MYLK: variants seen among roughly 807,000 people sequenced by gnomAD.
MYLK encodes myosin light chain kinase, smooth muscle.
In MYLK, 106 loss-of-function variants were observed where a neutral mutation model predicts 203.4. That is an observed-to-expected ratio of 0.52 (90% confidence interval 0.45 to 0.61). MYLK has a LOEUF of 0.61. MYLK is among the 20% of genes least tolerant of loss of function. MYLK has a pLI of 0.00. For missense variants in MYLK, 2,072 were observed against 2,442.3 expected (o/e 0.85, Z 3.20); for synonymous variants, 867 against 959.5 (o/e 0.90, Z 1.78).
At position 123,642,879 on chromosome 3, in the gene MYLK, C is replaced by T. The variant is rs1327716030; in HGVS notation, c.4620-2375G>A. Among the ~76,000 whole-genome samples, 1 of 152,202 alleles carries T rather than the reference C, an allele frequency of 6.6e-6. No individual in the cohort carries two copies. Among genetic ancestry groups the T allele is most frequent in the South Asian group, 2.1e-4 (1 of 4,832 alleles). ...TCTATGTAAAGAATCACTTGGGGCT[C>T]TTATTAAAAATACAAATTCCCAAGC... On this transcript the variant is annotated intron_variant, in intron 27 of 33. Transcript: ENST00000360304. This position sits in a 1 kb window ranked among gnomAD's most constrained non-coding sequence, Gnocchi z 4.2.
At chr3:123,709,655 T>C (rs2061612203) in intron 14 of MYLK, 101 bp downstream of exon 14, 1 of 1,501,988 alleles carries the variant, frequency 6.7e-7, no homozygotes, top group Non-Finnish European at 9.2e-7. Context: ...CATCTGATTT[T>C]CTGGTGGATC....
intron 11 of MYLK, 130 bp downstream of exon 11, chr3:123,732,766 G>C: frequency 1.2e-6 from 1 of 867,298 alleles, no homozygotes; most frequent in Non-Finnish European, 1.9e-6. Flanking sequence ...ATGTGATTGG[G>C]GGTGACATTT....
At chr3:123,802,025 A>G (rs904313227) in intron 3 of MYLK, among the ~76,000 whole-genome samples, 4 of 152,156 alleles carry the variant, frequency 2.6e-5, no homozygotes, top group African/African-American at 4.8e-5. Flanking sequence ...GGCTGGACTA[A>G]TTTACACTCT....
chr3:123,770,111 GA>G (rs1338161233), intron 4 of MYLK, among the ~76,000 whole-genome samples: 19 of 148,392 alleles, frequency 1.3e-4, no homozygotes, highest in East Asian at 1.2e-3. Context: ...AGGAGTTCGA[GA>G]CGAGGCTGAC....
chr3:123,737,424 C>T lies in MYLK; in HGVS notation c.708G>A (p.Val236=). The part of the protein sequence containing the change: ...DDVGVYTCLV[V]NGSGKASMSA... ...ACATCGAGGCCTTCCCCGACCCGTT[C>T]ACCACCAGGCACGTGTACACTCCCA... Residue 236 remains valine, a synonymous_variant, in exon 8 of 34, where the codon GTG becomes GTA. Coordinates refer to ENST00000360304, the MANE Select transcript of MYLK (RefSeq NM_053025.4). 2 of 1,614,152 alleles carry T rather than the reference C, an allele frequency of 1.2e-6. No individual in the cohort carries two copies. Among genetic ancestry groups the T allele is most frequent in the East Asian group, 2.2e-5 (1 of 44,880 alleles).
intron 2 of MYLK, among the ~76,000 whole-genome samples, chr3:123,873,660 A>G (rs763820934): frequency 6.6e-6 from 1 of 152,156 alleles, no homozygotes; most frequent in Non-Finnish European, 1.5e-5. Context: ...TCAGGGAAAT[A>G]GTTAAGAGCA....
chr3:123,651,132 G>C (rs2059198358), intron 24 of MYLK, among the ~76,000 whole-genome samples: 1 of 152,220 alleles, frequency 6.6e-6, no homozygotes, highest in Non-Finnish European at 1.5e-5. Flanking sequence ...GGTTGGGAAA[G>C]AAGTCTAAAA....
intron 12 of MYLK, 121 bp downstream of exon 12, chr3:123,725,823 C>T: frequency 6.9e-7 from 1 of 1,444,322 alleles, no homozygotes; most frequent in East Asian, 2.3e-5. Flanking sequence ...GTGCCCTGTG[C>T]TTCCTTCTCA....
At chr3:123,794,887 A>G (rs376984601) in intron 3 of MYLK, among the ~76,000 whole-genome samples, 3 of 152,296 alleles carry the variant, frequency 2.0e-5, no homozygotes, top group Admixed American at 2.0e-4. Context: ...CATTTGTTTT[A>G]ATCCTCAGAA....
intron 5 of MYLK, among the ~76,000 whole-genome samples, chr3:123,741,233 A>C (rs1405388569): frequency 6.6e-6 from 1 of 152,170 alleles, no homozygotes. Flanking sequence ...TGTGGAGGAG[A>C]AAAATCATGG....
At chr3:123,777,621 C>T (rs947280972) in intron 4 of MYLK, among the ~76,000 whole-genome samples, 8 of 152,280 alleles carry the variant, frequency 5.3e-5, no homozygotes, top group Non-Finnish European at 1.0e-4. Context: ...GCAGATGAGG[C>T]GAAGAGCAGT....
intron 4 of MYLK, among the ~76,000 whole-genome samples, chr3:123,753,889 G>A (rs1216958999): frequency 5.9e-5 from 9 of 152,190 alleles, no homozygotes. Flanking sequence ...AAGAGAGAAT[G>A]GATACGGATG....
rs552986197 is a variant in MYLK, at chr3:123,753,823, G to T, written c.166-1285C>A. Among the ~76,000 whole-genome samples, 5 of 152,302 alleles carry T rather than the reference G, an allele frequency of 3.3e-5. No homozygotes were observed. The East Asian group carries it at 7.7e-4, about 24-fold the overall frequency. ...ATAGGAGCTTCCTGAGAACAAAGTT[G>T]TTTGCATTACAAAACAGTGGTAGCA... is the stretch of plus-strand genomic sequence containing the variant. On this transcript the variant is annotated intron_variant, in intron 4 of 33. Transcript: ENST00000360304.
chr3:123,843,962 A>C (rs188378638), intron 2 of MYLK, among the ~76,000 whole-genome samples: 1 of 152,170 alleles, frequency 6.6e-6, no homozygotes, highest in East Asian at 1.9e-4. Context: ...AACCTCAACT[A>C]ATCTCATATT....
At chr3:123,661,735 G>A (rs2059568671) in intron 23 of MYLK, among the ~76,000 whole-genome samples, 1 of 152,204 alleles carries the variant, frequency 6.6e-6, no homozygotes, top group Non-Finnish European at 1.5e-5. Flanking sequence ...AACAGAGCAA[G>A]AGAGAAGGTA....
At chr3:123,769,086 T>G (rs1450934477) in intron 4 of MYLK, among the ~76,000 whole-genome samples, 1 of 152,090 alleles carries the variant, frequency 6.6e-6, no homozygotes, top group South Asian at 2.1e-4. Context: ...ATCAGGCCTG[T>G]CCCAGACAAT....
At chr3:123,826,224 C>T (rs142475827) in intron 3 of MYLK, among the ~76,000 whole-genome samples, 42 of 152,234 alleles carry the variant, frequency 2.8e-4, no homozygotes, top group East Asian at 1.9e-3. Flanking sequence ...TGTCTGTCCA[C>T]GTCCCAGCCT....
At chr3:123,663,419 G>A (rs2108318121) in intron 23 of MYLK, among the ~76,000 whole-genome samples, 1 of 152,266 alleles carries the variant, frequency 6.6e-6, no homozygotes, top group South Asian at 2.1e-4. Flanking sequence ...GAGGCCATAG[G>A]CAGCTGGAGG....
chr3:123,675,698 T>G (rs1000000764), intron 20 of MYLK, among the ~76,000 whole-genome samples: 3 of 152,114 alleles, frequency 2.0e-5, no homozygotes. Flanking sequence ...AAAATCAGCA[T>G]GAACTTTCTG....
Sources: gnomAD v4.1 joint callset for allele counts (sites outside exome capture counted in the v4.1 genomes callset) on GRCh38, gnomAD v4.1.1 for gene constraint, Gnocchi (gnomAD v3.1) non-coding constraint, MANE v1.5 for transcripts, NCBI Gene and HGNC (gene_info 2026-07-23, HGNC 2026-07-21) for gene names.